Variants in CARNMT1 observed in about 807,000 individuals in gnomAD.
The protein encoded by CARNMT1 is carnosine N-methyltransferase 1.
In CARNMT1, 28 loss-of-function variants were observed where a neutral mutation model predicts 49.6. The ratio of observed to expected loss-of-function variants is 0.56; its 90% CI spans 0.42 to 0.77. The LOEUF is 0.77. Ranked by LOEUF, CARNMT1 falls within the 30% of genes least tolerant of loss-of-function variation. The pLI is 0.00. For missense variants in CARNMT1, 421 were observed against 512.6 expected (o/e 0.82, Z 1.73); for synonymous variants, 178 against 175.0 (o/e 1.02, Z -0.13).
At chr9:75,010,044 A>AT (rs1587286477) in intron 3 of CARNMT1, 1 of 151,566 alleles carries the variant, frequency 6.6e-6, no homozygotes, top group East Asian at 1.9e-4. Flanking sequence ...AGTGCTAGAA[A>AT]TTTTTTAAAA....
At chr9:75,024,943 G>A (rs760675562) in intron 1 of CARNMT1, among the ~76,000 whole-genome samples, 22 of 152,102 alleles carry the variant, frequency 1.4e-4, no homozygotes, top group Non-Finnish European at 2.6e-4. Flanking sequence ...AATATATTAC[G>A]TACTATATTC....
chr9:75,007,801 C>T (rs1180976679), intron 3 of CARNMT1, among the ~76,000 whole-genome samples: 1 of 150,212 alleles, frequency 6.7e-6, no homozygotes, highest in Admixed American at 6.6e-5. Flanking sequence ...TTACGAAAGT[C>T]CCACAGCTAC....
intron 4 of CARNMT1, among the ~76,000 whole-genome samples, chr9:74,999,228 T>C (rs1014994499): frequency 3.3e-5 from 5 of 152,166 alleles, no homozygotes; most frequent in African/African-American, 1.2e-4. Flanking sequence ...GTACATCTTC[T>C]GGCTTTAAAA....
intron 3 of CARNMT1, among the ~76,000 whole-genome samples, chr9:75,002,132 G>C (rs1428330462): frequency 6.6e-6 from 1 of 152,128 alleles, no homozygotes; most frequent in Non-Finnish European, 1.5e-5. Context: ...ACGGAGAAGG[G>C]ATACATCTGT....
upstream of CARNMT1, chr9:75,028,361 G>A: frequency 3.1e-6 from 4 of 1,302,032 alleles, no homozygotes; most frequent in Middle Eastern, 2.9e-4. Flanking sequence ...CTCGCGGCGC[G>A]CTCCGCCCCC....
At chr9:75,012,995 T>TA (rs1204488705) in intron 3 of CARNMT1, among the ~76,000 whole-genome samples, 3 of 152,250 alleles carry the variant, frequency 2.0e-5, no homozygotes, top group Admixed American at 1.3e-4. Context: ...ACCAGGAAGA[T>TA]AAATTCTTCA....
intron 6 of CARNMT1, among the ~76,000 whole-genome samples, chr9:74,994,056 G>T (rs1391995193): frequency 6.6e-6 from 1 of 152,112 alleles, no homozygotes; most frequent in African/African-American, 2.4e-5. Context: ...GTAAGGGTGG[G>T]GTCCTCATCC....
intron 3 of CARNMT1, among the ~76,000 whole-genome samples, chr9:75,009,229 T>C (rs1271948452): frequency 6.6e-6 from 1 of 152,146 alleles, no homozygotes; most frequent in African/African-American, 2.4e-5. Context: ...AAAAAGTTTT[T>C]TCTTTTTAAC....
At chr9:75,011,586 T>C (rs1833692445) in intron 3 of CARNMT1, among the ~76,000 whole-genome samples, 1 of 152,186 alleles carries the variant, frequency 6.6e-6, no homozygotes, top group Admixed American at 6.5e-5. Context: ...CAAGTTGGTC[T>C]TGAATTCCTG....
chr9:74,992,820 C>T (rs17701826), intron 6 of CARNMT1, among the ~76,000 whole-genome samples: 7,331 of 152,154 alleles, frequency 0.048, 227 homozygotes, highest in Middle Eastern at 0.092. Flanking sequence ...AATGGCTGGC[C>T]ATTACATTTC....
Position 74,982,046 on chromosome 9 carries a change from T to C in CARNMT1, c.*1721A>G, listed in dbSNP as rs1367814522. The C allele has an allele frequency of 1.4e-5, 2 of 146,946 alleles. No individual in the cohort carries two copies. Among genetic ancestry groups the C allele is most frequent in the Admixed American group, 6.8e-5 (1 of 14,688 alleles). 9.1% of individuals were successfully genotyped at this position (146,946 alleles called of 1,614,324 possible). A position where few individuals can be genotyped will look rare whatever the true frequency, so the allele number is the denominator to read the frequency against. The stretch of plus-strand genomic sequence containing the variant: ...TAAAAAAAAAAAAAAAAGGTTACAG[T>C]CTTCCCAATTTTGACATGTCAGATT... On this transcript the variant is annotated 3_prime_UTR_variant, in exon 8 of 8. Transcript: ENST00000376834.
chr9:75,023,871 GA>G (rs1185764234), intron 1 of CARNMT1, among the ~76,000 whole-genome samples: 1 of 152,218 alleles, frequency 6.6e-6, no homozygotes, highest in Non-Finnish European at 1.5e-5. Flanking sequence ...GCCCTTTTAA[GA>G]AACTCTGCCA....
chr9:74,983,520 A>G lies in CARNMT1; in HGVS notation c.*247T>C, dbSNP rs1832740352. On this transcript the variant is annotated 3_prime_UTR_variant, in exon 8 of 8. Transcript: ENST00000376834. ...TGAAACACAATTCTGGGCTTCAAGG[A>G]AAAAGTATACTTCAAGACATTTCCT... 1 of 299,474 alleles carries G rather than the reference A, an allele frequency of 3.3e-6. No individual in the cohort carries two copies. Among genetic ancestry groups the G allele is most frequent in the Non-Finnish European group, 6.1e-6 (1 of 162,730 alleles). 18.6% of individuals were successfully genotyped at this position (299,474 alleles called of 1,614,324 possible). A position where few individuals can be genotyped will look rare whatever the true frequency, so the allele number is the denominator to read the frequency against.
chr9:75,014,840 T>C (rs1437723380), intron 3 of CARNMT1, among the ~76,000 whole-genome samples: 1 of 151,256 alleles, frequency 6.6e-6, no homozygotes, highest in African/African-American at 2.4e-5. Flanking sequence ...AAAATAAAAA[T>C]AATAAATAAA....
chr9:74,996,358 T>G, intron 6 of CARNMT1, 89 bp downstream of exon 6: 1 of 684,746 alleles, frequency 1.5e-6, no homozygotes. Flanking sequence ...CTAATGTTCA[T>G]GCACATTTGA....
chr9:74,984,842 A>G lies in CARNMT1; in HGVS notation c.1128+65T>C, dbSNP rs373458454. ...ATTCAAATAGTCACTAACAGCCATGATATCAACACTTCTGTTGAGGTGCTT... is the reference window on the plus strand; with the variant it reads ...ATTCAAATAGTCACTAACAGCCATGGTATCAACACTTCTGTTGAGGTGCTT... On this transcript the variant is annotated intron_variant, in intron 7 of 7. Transcript: ENST00000376834. 17 of 996,600 alleles carry G rather than the reference A, an allele frequency of 1.7e-5. No homozygotes were observed. The African/African-American group carries it at 2.2e-4, about 13-fold the overall frequency. The allele number at this position is 996,600 out of a possible 1,614,324, so 61.7% of individuals were successfully genotyped here.
At chr9:74,986,616 C>A (rs74489713) in intron 6 of CARNMT1, among the ~76,000 whole-genome samples, 4 of 152,298 alleles carry the variant, frequency 2.6e-5, no homozygotes, top group Non-Finnish European at 4.4e-5. Context: ...ATTATCTCTA[C>A]ATACATACAT....
At chr9:75,022,308 C>T (rs1822394819) in intron 1 of CARNMT1, among the ~76,000 whole-genome samples, 1 of 142,918 alleles carries the variant, frequency 7.0e-6, no homozygotes. Context: ...ACTGCCAGCT[C>T]TGCCTCCCAG....
intron 3 of CARNMT1, among the ~76,000 whole-genome samples, chr9:75,005,054 T>C (rs1833461997): frequency 6.6e-6 from 1 of 152,226 alleles, no homozygotes; most frequent in Non-Finnish European, 1.5e-5. Context: ...AGACATTCAC[T>C]TGGAAAAATT....
Sources: gnomAD v4.1 joint callset for allele counts (sites outside exome capture counted in the v4.1 genomes callset) on GRCh38, gnomAD v4.1.1 for gene constraint, MANE v1.5 for transcripts, NCBI Gene and HGNC (gene_info 2026-07-23, HGNC 2026-07-21) for gene names.